FANCA: variants seen among roughly 807,000 people sequenced by gnomAD.
FANCA encodes the protein FA complementation group A.
A neutral mutation model predicts 194.3 loss-of-function variants in FANCA; 236 were observed. The ratio of observed to expected loss-of-function variants is 1.21; its 90% CI spans 1.09 to 1.35. The LOEUF is 1.35. FANCA is among the 40% of genes most tolerant of loss of function. The probability of loss-of-function intolerance (pLI) is 0.00; values close to 1 mark genes in which losing one functional copy is unlikely to be tolerated. For synonymous variants in FANCA, 1,014 were observed against 715.8 expected (o/e 1.42, Z -6.65); for missense variants, 2,628 against 1,813.9 (o/e 1.45, Z -8.15).
intron 17 of FANCA, among the ~76,000 whole-genome samples, chr16:89,780,309 C>CTT (rs2039656812): frequency 6.6e-6 from 1 of 152,124 alleles, no homozygotes; most frequent in African/African-American, 2.4e-5. Context: ...GGAGTAGAGA[C>CTT]TTAATTTTTG....
rs1373748843 is a variant in FANCA, at chr16:89,740,081, TTGGCAGGTCTG to T, written c.3836_3846del (p.Thr1279LysfsTer30). On this transcript the variant is annotated frameshift_variant, in exon 39 of 43. Coordinates refer to ENST00000389301, the MANE Select transcript of FANCA (RefSeq NM_000135.4). LOFTEE classifies it high-confidence loss of function. ...ATTGCTGCACAAACGTGGAAAGCCTTTGGCAGGTCTGTGGTGCTCTGTAAACCGCAGGAGAC... is the reference window on the plus strand; with the variant it reads ...ATTGCTGCACAAACGTGGAAAGCCTTTGGTGCTCTGTAAACCGCAGGAGAC... The T allele has an allele frequency of 6.2e-7, 1 of 1,614,166 alleles. No homozygotes were observed. The highest frequency in any genetic ancestry group is 1.1e-5 in the South Asian group (1 of 91,084).
intron 8 of FANCA, among the ~76,000 whole-genome samples, chr16:89,800,149 A>G (rs1438851038): frequency 2.0e-5 from 3 of 152,246 alleles, no homozygotes; most frequent in Non-Finnish European, 2.9e-5. Context: ...GCCTGAGGCC[A>G]TGAGCCTAGG....
chr16:89,800,233 A>T (rs571507539), intron 8 of FANCA, among the ~76,000 whole-genome samples: 5 of 152,352 alleles, frequency 3.3e-5, no homozygotes, highest in South Asian at 2.1e-4. Context: ...CAGGCCTTGA[A>T]TCTGGGCTGT....
chr16:89,783,468 G>A (rs943785575), intron 15 of FANCA, among the ~76,000 whole-genome samples: 2 of 151,628 alleles, frequency 1.3e-5, no homozygotes, highest in Admixed American at 6.6e-5. Flanking sequence ...GGAGAATGGC[G>A]GGAACCCAGG....
At chr16:89,779,054 A>G in intron 18 of FANCA, 51 bp from the exon 19 acceptor site, 1 of 1,563,848 alleles carries the variant, frequency 6.4e-7, no homozygotes, top group Non-Finnish European at 8.8e-7. Flanking sequence ...CGAGAAGGCA[A>G]TTCCCACAGA....
At position 89,750,045 on chromosome 16, in the gene FANCA, G is replaced by A; in HGVS notation, c.3067-143C>T. 4.7e-6 allele frequency: 4 copies of A among 855,872 alleles called. No individual in the cohort carries two copies. In the South Asian group the frequency reaches 5.6e-5, roughly 12 times the overall value. The allele number at this position is 855,872 out of a possible 1,614,324, so 53.0% of individuals were successfully genotyped here. ...CAAGTGGGGCAAGCTATTTCAATTG[G>A]AAATCACTTTGAAATTGCAAATATA... is the stretch of plus-strand genomic sequence containing the variant. On this transcript the variant is annotated intron_variant, in intron 31 of 42. Coordinates refer to ENST00000389301, the MANE Select transcript of FANCA (RefSeq NM_000135.4).
chr16:89,740,665 G>A (rs2062108751), intron 38 of FANCA, 139 bp downstream of exon 38: 1 of 688,412 alleles, frequency 1.5e-6, no homozygotes, highest in Non-Finnish European at 2.6e-6. Flanking sequence ...CCCACGGCCT[G>A]GGAGTTCTCA....
rs931143821 is a variant in FANCA, at chr16:89,770,243, C to T, written c.2239G>A (p.Ala747Thr). 6.3e-7 allele frequency: 1 copy of T among 1,581,648 alleles called. No individual in the cohort carries two copies. The highest frequency in any genetic ancestry group is 1.3e-5 in the African/African-American group (1 of 74,730). Residue 747 changes from alanine (A) to threonine (T), a missense_variant, in exon 25 of 43, where the codon GCC becomes ACC. Ala to Thr is a moderately conservative substitution (Grantham distance 58). Coordinates refer to ENST00000389301, the MANE Select transcript of FANCA (RefSeq NM_000135.4). ...APPERQGPWAALFVRTMCGRV... is the reference protein window; with the variant it reads ...APPERQGPWATLFVRTMCGRV... Reference sequence around the variant, plus strand: ...CCACACATGGTCCTCACGAAGAGGGCAGCCCAGGGACCCTGCCTGCAGAGA... The same window carrying T: ...CCACACATGGTCCTCACGAAGAGGGTAGCCCAGGGACCCTGCCTGCAGAGA...
chr16:89,767,356 A>G, intron 26 of FANCA, 119 bp from the exon 27 acceptor site: 1 of 765,906 alleles, frequency 1.3e-6, no homozygotes, highest in Non-Finnish European at 2.2e-6. Flanking sequence ...TGGCCTGAGC[A>G]TTGGTCCTTC....
chr16:89,739,917 C>T, intron 39 of FANCA, 77 bp downstream of exon 39: 1 of 1,595,696 alleles, frequency 6.3e-7, no homozygotes, highest in Non-Finnish European at 8.6e-7. Flanking sequence ...TCAAGGAGGG[C>T]TCGTTCTTAA....
At chr16:89,748,857 C>T in intron 32 of FANCA, 90 bp from the exon 33 acceptor site, 1 of 1,064,702 alleles carries the variant, frequency 9.4e-7, no homozygotes, top group Non-Finnish European at 1.4e-6. Flanking sequence ...GCAACCACCA[C>T]CCTGAAACCC....
At position 89,738,305 on chromosome 16, in the gene FANCA, C is replaced by G. The variant is rs1693023148; in HGVS notation, c.*296G>C. The G allele has an allele frequency of 6.5e-7, 1 of 1,531,376 alleles. No individual in the cohort carries two copies. The highest frequency in any genetic ancestry group is 1.4e-5 in the African/African-American group (1 of 72,918). The allele number at this position is 1,531,376 out of a possible 1,614,324, so 94.9% of individuals were successfully genotyped here. On this transcript the variant is annotated 3_prime_UTR_variant, in exon 43 of 43. Transcript: ENST00000389301. ...TGGACTCCGCAGTGGCTGTGTCAGC[C>G]TCACCCTTCGTGTGCACCCGCATGG... is the stretch of plus-strand genomic sequence containing the variant.
At chr16:89,782,727 C>G (rs928901298) in intron 17 of FANCA, 132 bp downstream of exon 17, 1 of 777,152 alleles carries the variant, frequency 1.3e-6, no homozygotes. Flanking sequence ...GCCTCGCCCC[C>G]AGCTGCGCCC....
intron 11 of FANCA, 88 bp downstream of exon 11, chr16:89,795,818 G>A (rs2040226596): frequency 1.1e-6 from 1 of 927,038 alleles, no homozygotes; most frequent in African/African-American, 1.6e-5. Context: ...TAGAATTCCT[G>A]GCATCTCCAG....
chr16:89,796,966 G>T (rs1173611194), intron 10 of FANCA, among the ~76,000 whole-genome samples: 1 of 151,862 alleles, frequency 6.6e-6, no homozygotes, highest in African/African-American at 2.4e-5. Context: ...AGACCATCCC[G>T]GCCAACCCAA....
At chr16:89,812,317 G>T (rs971060153) in intron 3 of FANCA, among the ~76,000 whole-genome samples, 3 of 150,190 alleles carry the variant, frequency 2.0e-5, no homozygotes, top group African/African-American at 7.3e-5. Flanking sequence ...CAGTCTGGGC[G>T]ACAGAGCCAG....
chr16:89,742,653 CA>C (rs749345470), intron 37 of FANCA, 146 bp downstream of exon 37: 52,550 of 305,088 alleles, frequency 0.17, 19 homozygotes, highest in South Asian at 0.2. Context: ...ACTAAAAATA[CA>C]AAAAAAAAAA....
In FANCA at chr16:89,814,636, C is replaced by CT. The variant is rs1281529029; in HGVS notation, c.190-24dup. 12 of 1,578,826 alleles carry CT rather than the reference C, an allele frequency of 7.6e-6. No individual in the cohort carries two copies. In the African/African-American group the frequency reaches 1.5e-4, roughly 20 times the overall value. ...TACCTAGAATCCAAAACACAACAAA[C>CT]TCCATTTAAAAAATTCAAGCTCCAG... is the stretch of plus-strand genomic sequence containing the variant. On this transcript the variant is annotated intron_variant, in intron 2 of 42. Transcript: ENST00000389301.
At position 89,741,068 on chromosome 16, in the gene FANCA, C is replaced by T. The variant is rs34355840; in HGVS notation, c.3766-202G>A. ...TTACTACTGGCTGGGTCATTTCACA[C>T]TTGCCTTTAAACAAAGCTAGAAACA... On this transcript the variant is annotated intron_variant, in intron 37 of 42. Transcript: ENST00000389301. 1.4e-3 allele frequency among the ~76,000 whole-genome samples: 212 copies of T among 152,324 alleles called. 1 individual carries two copies. Among genetic ancestry groups the T allele is most frequent in the African/African-American group, 4.8e-3 (200 of 41,574 alleles).
Sources: gnomAD v4.1 joint callset for allele counts (sites outside exome capture counted in the v4.1 genomes callset) on GRCh38, gnomAD v4.1.1 for gene constraint, MANE v1.5 for transcripts, NCBI Gene and HGNC (gene_info 2026-07-23, HGNC 2026-07-21) for gene names.